The following NBEA variants were observed in gnomAD, a reference collection of about 807,000 sequenced individuals.
NBEA encodes neurobeachin, also known as lysosomal-trafficking regulator 2.
NBEA carries 44 observed loss-of-function variants against 343.4 expected under a neutral mutation model. The ratio of observed to expected loss-of-function variants is 0.13; its 90% CI spans 0.10 to 0.16. The LOEUF (loss-of-function observed/expected upper bound fraction) is 0.16. Among genes scored for constraint, NBEA ranks in the 10% least tolerant of loss-of-function variants. NBEA has a pLI of 1.00. For synonymous variants in NBEA, 1,175 were observed against 1,238.7 expected, an observed-to-expected ratio of 0.95 and a Z score of 1.08; for missense variants, 2,555 against 3,631.3, an observed-to-expected ratio of 0.70 and a Z score of 7.62.
intron 36 of NBEA, among the ~76,000 whole-genome samples, chr13:35,313,319 G>A (rs965370565): frequency 1.3e-5 from 2 of 152,128 alleles, no homozygotes; most frequent in African/African-American, 2.4e-5. Context: ...CTGCTAAAAT[G>A]TGTTTTCCTT....
chr13:35,206,800 A>G (rs1326992479), intron 31 of NBEA, among the ~76,000 whole-genome samples: 4 of 152,134 alleles, frequency 2.6e-5, no homozygotes, highest in Admixed American at 1.3e-4. Context: ...AAGATCATAC[A>G]GTTTGAGAGT....
chr13:35,136,135 G>A (rs2067713697), intron 17 of NBEA, among the ~76,000 whole-genome samples: 1 of 152,030 alleles, frequency 6.6e-6, no homozygotes, highest in Non-Finnish European at 1.5e-5. Flanking sequence ...ATAAAGCAAT[G>A]CATGCAAAAT....
intron 44 of NBEA, among the ~76,000 whole-genome samples, chr13:35,558,462 A>G (rs2079689797): frequency 6.6e-6 from 1 of 152,210 alleles, no homozygotes; most frequent in South Asian, 2.1e-4. Context: ...AGGGCATTCC[A>G]AGAAGAAAAT....
chr13:35,106,814 A>G (rs374262106), intron 11 of NBEA, among the ~76,000 whole-genome samples: 6 of 151,882 alleles, frequency 4.0e-5, no homozygotes, highest in African/African-American at 1.2e-4. Context: ...TGCTTCTAGT[A>G]TACCTTTTAA....
chr13:35,204,488 A>G (rs2073242211), intron 31 of NBEA, among the ~76,000 whole-genome samples: 1 of 152,072 alleles, frequency 6.6e-6, no homozygotes, highest in Non-Finnish European at 1.5e-5. Flanking sequence ...CTATCACGAG[A>G]ATAACACAGG....
intron 40 of NBEA, among the ~76,000 whole-genome samples, chr13:35,468,148 T>G (rs2075478556): frequency 8.7e-6 from 1 of 114,756 alleles, no homozygotes. Flanking sequence ...GATTAATCCC[T>G]GCAATTGAGA....
intron 1 of NBEA, among the ~76,000 whole-genome samples, chr13:35,032,186 G>A (rs560681213): frequency 2.6e-5 from 4 of 151,628 alleles, no homozygotes; most frequent in East Asian, 3.9e-4. Context: ...TTGCTGGGTC[G>A]AAAAGTAGTT....
At chr13:35,062,856 A>T (rs1399895963) in intron 8 of NBEA, among the ~76,000 whole-genome samples, 2 of 151,996 alleles carry the variant, frequency 1.3e-5, no homozygotes, top group Non-Finnish European at 2.9e-5. Flanking sequence ...TACATGTAAT[A>T]CATATGACAA....
intron 8 of NBEA, among the ~76,000 whole-genome samples, 159 bp downstream of exon 8, chr13:35,059,022 A>G (rs1312140097): frequency 6.6e-6 from 1 of 152,064 alleles, no homozygotes; most frequent in Admixed American, 6.6e-5. Flanking sequence ...TGGTTCAAAG[A>G]TGCTTCTTAA....
intron 39 of NBEA, among the ~76,000 whole-genome samples, chr13:35,451,739 C>G (rs989149471): frequency 6.6e-6 from 1 of 152,162 alleles, no homozygotes; most frequent in African/African-American, 2.4e-5. Flanking sequence ...GAAGTACAGA[C>G]TTTTTGTGCA....
chr13:35,529,758 CAGTGGGTT>C (rs1594893378), intron 41 of NBEA, among the ~76,000 whole-genome samples: 2 of 152,132 alleles, frequency 1.3e-5, no homozygotes, highest in East Asian at 3.9e-4. Context: ...GTCATGTCCT[CAGTGGGTT>C]GTATTTATTT....
At chr13:35,047,358 T>C (rs905738369) in intron 4 of NBEA, among the ~76,000 whole-genome samples, 1 of 152,010 alleles carries the variant, frequency 6.6e-6, no homozygotes, top group African/African-American at 2.4e-5. Flanking sequence ...GATGGCTAGA[T>C]ATGCAAATAC....
chr13:35,124,480 A>T (rs1036768545), intron 17 of NBEA, among the ~76,000 whole-genome samples: 11 of 149,046 alleles, frequency 7.4e-5, no homozygotes, highest in Middle Eastern at 3.5e-3. Context: ...GTAGAAAAGG[A>T]TATATATGTG....
At chr13:35,234,027 A>G (rs536603416) in intron 34 of NBEA, among the ~76,000 whole-genome samples, 56 of 152,320 alleles carry the variant, frequency 3.7e-4, no homozygotes, top group African/African-American at 1.3e-3. Flanking sequence ...GAGAATAGTC[A>G]GTACATTGGC....
chr13:35,289,864 A>G (rs952175174), intron 34 of NBEA, among the ~76,000 whole-genome samples: 3 of 151,832 alleles, frequency 2.0e-5, no homozygotes, highest in Admixed American at 6.6e-5. Flanking sequence ...TGATGTGTTA[A>G]TCATACATTT....
chr13:35,473,410 A>T (rs1365619650), intron 41 of NBEA, among the ~76,000 whole-genome samples: 2 of 152,192 alleles, frequency 1.3e-5, no homozygotes, highest in Non-Finnish European at 2.9e-5. Context: ...GCTCCCACAG[A>T]TCCAGAACTT....
chr13:35,031,837 TC>T (rs1272249203), intron 1 of NBEA, among the ~76,000 whole-genome samples: 1 of 151,598 alleles, frequency 6.6e-6, no homozygotes, highest in Non-Finnish European at 1.5e-5. Context: ...GTCTGTTGTT[TC>T]CTTCTTTATG....
At chr13:35,162,358 G>A (rs539163564) in intron 23 of NBEA, among the ~76,000 whole-genome samples, 10 of 152,222 alleles carry the variant, frequency 6.6e-5, no homozygotes, top group Middle Eastern at 3.4e-3. Flanking sequence ...AATACAATTA[G>A]GAAGTCGATG....
intron 45 of NBEA, 60 bp downstream of exon 45, chr13:35,567,077 C>G: frequency 1.1e-6 from 1 of 883,858 alleles, no homozygotes; most frequent in Non-Finnish European, 1.8e-6. Flanking sequence ...AATAGTATTT[C>G]TGTCAGAGTA....
Sources: allele counts gnomAD v4.1 joint callset (sites outside exome capture counted in the v4.1 genomes callset), GRCh38; gene constraint gnomAD v4.1.1; transcripts MANE v1.5; gene names NCBI Gene and HGNC (gene_info 2026-07-23, HGNC 2026-07-21).